The following ADAMTSL3 variants were observed in gnomAD, a reference collection of about 807,000 sequenced individuals.
ADAMTSL3 encodes the protein ADAMTS like 3.
ADAMTSL3 carries 128 observed loss-of-function variants against 201.7 expected under a neutral mutation model. The ratio of observed to expected loss-of-function variants is 0.63; its 90% CI spans 0.55 to 0.73. The LOEUF is 0.73. Among genes scored for constraint, ADAMTSL3 ranks in the 30% least tolerant of loss-of-function variants. ADAMTSL3 has a pLI of 0.00. For missense variants in ADAMTSL3, 1,990 were observed against 2,119.6 expected (o/e 0.94, Z 1.20); for synonymous variants, 738 against 748.4 (o/e 0.99, Z 0.23).
At chr15:83,758,059 C>T (rs548250248) in intron 3 of ADAMTSL3, among the ~76,000 whole-genome samples, 1 of 152,284 alleles carries the variant, frequency 6.6e-6, no homozygotes, top group African/African-American at 2.4e-5. Flanking sequence ...TTCTTCTGAG[C>T]CCTCCAAACT....
At chr15:83,975,062 C>T (rs900370561) in intron 20 of ADAMTSL3, among the ~76,000 whole-genome samples, 3 of 142,222 alleles carry the variant, frequency 2.1e-5, no homozygotes, top group Admixed American at 7.5e-5. Context: ...AGTGCAGTGG[C>T]GCGATCTCAG....
intron 2 of ADAMTSL3, among the ~76,000 whole-genome samples, chr15:83,660,850 C>T (rs2061152434): frequency 6.6e-6 from 1 of 151,072 alleles, no homozygotes; most frequent in Non-Finnish European, 1.5e-5. Context: ...ACATGAAGTC[C>T]TTGCCCATGC....
intron 2 of ADAMTSL3, among the ~76,000 whole-genome samples, chr15:83,667,667 A>G (rs892795282): frequency 3.9e-5 from 6 of 152,092 alleles, no homozygotes; most frequent in African/African-American, 1.4e-4. Context: ...GAACAGTGAA[A>G]TTGGTGGCCC....
chr15:83,783,606 A>G (rs1053158340), intron 4 of ADAMTSL3, among the ~76,000 whole-genome samples: 3 of 152,174 alleles, frequency 2.0e-5, no homozygotes, highest in African/African-American at 7.2e-5. Flanking sequence ...CTATACTAAT[A>G]TCAGACAAAG....
At chr15:83,923,173 A>G (rs2066179628) in intron 16 of ADAMTSL3, among the ~76,000 whole-genome samples, 1 of 152,292 alleles carries the variant, frequency 6.6e-6, no homozygotes, top group South Asian at 2.1e-4. Context: ...AGATCACTGA[A>G]TTAGGAGGCA....
intron 2 of ADAMTSL3, among the ~76,000 whole-genome samples, chr15:83,665,453 C>T (rs1001648563): frequency 3.3e-5 from 5 of 152,008 alleles, no homozygotes; most frequent in African/African-American, 4.8e-5. Context: ...GAGTGTATTC[C>T]GTATATTCAT....
chr15:83,655,629 A>G, intron 1 of ADAMTSL3, 100 bp from the exon 2 acceptor site: 1 of 824,222 alleles, frequency 1.2e-6, no homozygotes, highest in Non-Finnish European at 2.0e-6. Context: ...AAAATAGTAT[A>G]TGGGCTTCAG....
intron 5 of ADAMTSL3, among the ~76,000 whole-genome samples, chr15:83,819,163 A>AC (rs1567164946): frequency 2.0e-5 from 3 of 148,922 alleles, no homozygotes; most frequent in Admixed American, 6.9e-5. Context: ...CCAGCTACTC[A>AC]GGGGGGCTGA....
intron 23 of ADAMTSL3, among the ~76,000 whole-genome samples, chr15:83,992,783 T>C (rs1329522683): frequency 6.6e-6 from 1 of 152,212 alleles, no homozygotes; most frequent in Non-Finnish European, 1.5e-5. Flanking sequence ...CATCTAGTTT[T>C]ATTCTCATCC....
Position 83,870,926 on chromosome 15 carries a change from T to A in ADAMTSL3, c.927T>A (p.Ile309=). The A allele has an allele frequency of 6.2e-7, 1 of 1,613,542 alleles. No individual in the cohort carries two copies. The highest frequency in any genetic ancestry group is 8.5e-7 in the Non-Finnish European group (1 of 1,179,828). The change falls in exon 9 of 30, where the codon ATT becomes ATA. Residue 309 remains isoleucine (I), a synonymous_variant. Transcript: ENST00000286744. ...GCTCCGAGAGGCAAACTTTTAAGAT[T>A]CCAGGACCTCTGATGGCTGATTTCA... is the stretch of plus-strand genomic sequence containing the variant. ...QRGSERQTFK[I]PGPLMADFIF...
intron 15 of ADAMTSL3, among the ~76,000 whole-genome samples, chr15:83,912,082 A>T (rs1340455559): frequency 6.6e-6 from 1 of 152,210 alleles, no homozygotes; most frequent in Non-Finnish European, 1.5e-5. Flanking sequence ...ATCACTTATT[A>T]ATATCTCAAG....
rs774364471 is a variant in ADAMTSL3, at chr15:83,892,759, A to C, written c.1338A>C (p.Val446=). 6 of 1,614,120 alleles carry C rather than the reference A, an allele frequency of 3.7e-6. No homozygotes were observed. Among genetic ancestry groups the C allele is most frequent in the Non-Finnish European group, 5.1e-6 (6 of 1,179,994 alleles). Residue 446 remains valine, a synonymous_variant, in exon 13 of 30, where the codon GTA becomes GTC. Transcript: ENST00000286744. ...GGIQRRSFVC[V]EESMHGEILQ... ...TTCAGAGACGGAGCTTTGTGTGTGT[A>C]GAGGAATCCATGCATGGAGAGATAT... is the stretch of plus-strand genomic sequence containing the variant.
At chr15:83,959,180 C>G (rs1017874567) in intron 19 of ADAMTSL3, among the ~76,000 whole-genome samples, 1 of 152,212 alleles carries the variant, frequency 6.6e-6, no homozygotes, top group South Asian at 2.1e-4. Context: ...AATCCCAACA[C>G]TTTGGGAGGC....
intron 10 of ADAMTSL3, among the ~76,000 whole-genome samples, chr15:83,887,489 A>T (rs1369879640): frequency 2.0e-5 from 3 of 152,208 alleles, no homozygotes; most frequent in African/African-American, 7.2e-5. Context: ...GGTTATTTTC[A>T]ATTCCTCCAG....
intron 23 of ADAMTSL3, among the ~76,000 whole-genome samples, chr15:84,011,010 T>C (rs1485156440): frequency 2.0e-5 from 3 of 152,220 alleles, no homozygotes; most frequent in Non-Finnish European, 2.9e-5. Context: ...GCTGTTTTGA[T>C]GCATGGGCCC....
chr15:83,753,839 T>C (rs1045234914), intron 3 of ADAMTSL3, among the ~76,000 whole-genome samples: 2 of 152,168 alleles, frequency 1.3e-5, no homozygotes, highest in Admixed American at 6.5e-5. Flanking sequence ...ATGAAAAACA[T>C]TACATCCATG....
chr15:83,929,345 TG>T (rs1274252232), intron 17 of ADAMTSL3, among the ~76,000 whole-genome samples: 2 of 152,302 alleles, frequency 1.3e-5, no homozygotes, highest in Non-Finnish European at 2.9e-5. Flanking sequence ...GAGAGAGCCT[TG>T]GTTCCATGGC....
At chr15:83,796,363 CTG>C (rs1371733298) in intron 4 of ADAMTSL3, among the ~76,000 whole-genome samples, 26 of 152,166 alleles carry the variant, frequency 1.7e-4, no homozygotes, top group Non-Finnish European at 7.3e-5. Flanking sequence ...GCACAAATGA[CTG>C]TGCTCTTACA....
intron 4 of ADAMTSL3, among the ~76,000 whole-genome samples, chr15:83,777,235 AGGCAGGACCCCC>A (rs899296161): frequency 3.3e-5 from 5 of 152,190 alleles, no homozygotes; most frequent in Admixed American, 6.5e-5. Context: ...GCCTACAGAG[AGGCAGGACCCCC>A]GGCACCTGGT....
Sources: gnomAD v4.1 joint callset for allele counts (sites outside exome capture counted in the v4.1 genomes callset) on GRCh38, gnomAD v4.1.1 for gene constraint, MANE v1.5 for transcripts, NCBI Gene and HGNC (gene_info 2026-07-23, HGNC 2026-07-21) for gene names.